The following NRG3 variants were observed in gnomAD, a reference collection of about 807,000 sequenced individuals.
The protein encoded by NRG3 is neuregulin 3.
Under a neutral mutation model 66.9 loss-of-function variants are expected in NRG3, and 31 were observed. The ratio of observed to expected loss-of-function variants is 0.46; its 90% CI spans 0.35 to 0.63. The LOEUF is 0.63. Among genes scored for constraint, NRG3 ranks in the 20% least tolerant of loss-of-function variants. The pLI, the probability that NRG3 is intolerant of heterozygous loss-of-function variation, is 0.00. For missense variants in NRG3, 910 were observed against 878.9 expected (o/e 1.04, Z -0.45); for synonymous variants, 393 against 359.4 (o/e 1.09, Z -1.06).
At chr10:82,236,937 G>T (rs555771605) in intron 1 of NRG3, among the ~76,000 whole-genome samples, 1 of 151,944 alleles carries the variant, frequency 6.6e-6, no homozygotes, top group East Asian at 1.9e-4. Flanking sequence ...GGATGGTCTC[G>T]ATCTCCTGAC....
intron 1 of NRG3, among the ~76,000 whole-genome samples, chr10:82,194,090 T>C (rs772576321): frequency 2.0e-5 from 3 of 152,086 alleles, no homozygotes; most frequent in Non-Finnish European, 4.4e-5. Context: ...ACCTTAACGA[T>C]GTGAAATTTT....
chr10:82,149,604 T>G (rs2070541328), intron 1 of NRG3, among the ~76,000 whole-genome samples: 1 of 152,172 alleles, frequency 6.6e-6, no homozygotes. Flanking sequence ...TGTTTTCTCA[T>G]AAAGTTCCTC....
At chr10:82,067,707 A>G (rs1336375697) in intron 1 of NRG3, among the ~76,000 whole-genome samples, 1 of 152,160 alleles carries the variant, frequency 6.6e-6, no homozygotes, top group Non-Finnish European at 1.5e-5. Context: ...TTCAGAGAGG[A>G]ACCACCAAAT....
At chr10:81,877,889 A>G (rs1419903198) in intron 1 of NRG3, 2 of 1,533,914 alleles carry the variant, frequency 1.3e-6, no homozygotes, top group Non-Finnish European at 1.7e-6. Context: ...AACATATTCA[A>G]TGGATTGAAA....
rs1853389810 is a variant in NRG3 at position 82,985,760 on chromosome 10, A to G, written c.*155A>G. On this transcript the variant is annotated 3_prime_UTR_variant, in exon 9 of 9. Coordinates refer to ENST00000372141, the MANE Select transcript of NRG3 (RefSeq NM_001010848.4). ...ATATCATAGTGTTTTTTAACAAAATATTTTTTTAAGGGAAAGAAATGTTTC... is the reference window on the plus strand; with the variant it reads ...ATATCATAGTGTTTTTTAACAAAATGTTTTTTTAAGGGAAAGAAATGTTTC... 1 of 820,526 alleles carries G rather than the reference A, an allele frequency of 1.2e-6. No individual in the cohort carries two copies. The highest frequency in any genetic ancestry group is 1.9e-6 in the Non-Finnish European group (1 of 537,014). 50.8% of individuals were successfully genotyped at this position (820,526 alleles called of 1,614,324 possible).
intron 1 of NRG3, among the ~76,000 whole-genome samples, chr10:82,297,240 C>T (rs2080120984): frequency 6.6e-6 from 1 of 150,910 alleles, no homozygotes; most frequent in Non-Finnish European, 1.5e-5. Flanking sequence ...CTACAATAAA[C>T]ATAAAAATGC....
At chr10:81,895,654 T>C (rs895376296) in intron 1 of NRG3, among the ~76,000 whole-genome samples, 10 of 152,176 alleles carry the variant, frequency 6.6e-5, no homozygotes. Context: ...TGCATGTCCA[T>C]GCGTGGGAGT....
chr10:82,239,978 G>A (rs1315377693), intron 1 of NRG3, among the ~76,000 whole-genome samples: 3 of 152,078 alleles, frequency 2.0e-5, no homozygotes, highest in South Asian at 2.1e-4. Context: ...ATAATAGAGT[G>A]TACTGGTATT....
At chr10:82,484,201 G>GA (rs1842501401) in intron 2 of NRG3, among the ~76,000 whole-genome samples, 1 of 152,156 alleles carries the variant, frequency 6.6e-6, no homozygotes, top group Non-Finnish European at 1.5e-5. Context: ...CCAAATCCCT[G>GA]TTTTTCATTC....
At chr10:82,404,158 C>T (rs993574278) in intron 2 of NRG3, among the ~76,000 whole-genome samples, 1 of 152,098 alleles carries the variant, frequency 6.6e-6, no homozygotes, top group Non-Finnish European at 1.5e-5. Flanking sequence ...GCATTCAAAC[C>T]TTAGTATAAA....
intron 2 of NRG3, among the ~76,000 whole-genome samples, chr10:82,601,790 A>G (rs749847830): frequency 2.7e-5 from 4 of 150,388 alleles, no homozygotes; most frequent in Non-Finnish European, 5.9e-5. Context: ...CGGAAGGATC[A>G]CTTGAAGTCA....
At chr10:82,768,403 T>C (rs2059596678) in intron 3 of NRG3, among the ~76,000 whole-genome samples, 1 of 152,188 alleles carries the variant, frequency 6.6e-6, no homozygotes, top group Non-Finnish European at 1.5e-5. Context: ...GATGGTTCTT[T>C]ATCAACCTCT....
chr10:82,886,645 C>T (rs145568483), intron 4 of NRG3, among the ~76,000 whole-genome samples: 2 of 152,248 alleles, frequency 1.3e-5, no homozygotes, highest in East Asian at 1.9e-4. Context: ...TGTGGCTGAA[C>T]GGACCTTTTG....
intron 1 of NRG3, among the ~76,000 whole-genome samples, chr10:81,921,010 T>G (rs10883909): frequency 0.32 from 47,896 of 151,956 alleles, 8,631 homozygotes; most frequent in East Asian, 0.59. Context: ...ATGTATTTTA[T>G]GGTCAAATGG....
At chr10:82,123,563 A>G (rs939273293) in intron 1 of NRG3, among the ~76,000 whole-genome samples, 2 of 152,096 alleles carry the variant, frequency 1.3e-5, no homozygotes, top group South Asian at 2.1e-4. Flanking sequence ...TCCTCCTCCA[A>G]CACCTCCTTC....
intron 2 of NRG3, among the ~76,000 whole-genome samples, chr10:82,433,976 T>C (rs528897869): frequency 6.6e-6 from 1 of 152,344 alleles, no homozygotes; most frequent in East Asian, 1.9e-4. Flanking sequence ...TTTTTTCTAA[T>C]TCTGTGAAGA....
At chr10:82,912,833 A>G (rs539288664) in intron 4 of NRG3, among the ~76,000 whole-genome samples, 2 of 152,116 alleles carry the variant, frequency 1.3e-5, no homozygotes, top group African/African-American at 2.4e-5. Context: ...TTTTCTAGAT[A>G]TATTTTGTTA....
At chr10:82,283,293 C>T (rs762641678) in intron 1 of NRG3, among the ~76,000 whole-genome samples, 1 of 152,090 alleles carries the variant, frequency 6.6e-6, no homozygotes, top group African/African-American at 2.4e-5. Context: ...GGAGTACATC[C>T]GTGGCTTCTC....
At chr10:82,113,718 A>G (rs2067529312) in intron 1 of NRG3, among the ~76,000 whole-genome samples, 1 of 152,168 alleles carries the variant, frequency 6.6e-6, no homozygotes, top group African/African-American at 2.4e-5. Context: ...CCTGGTTTTG[A>G]TAATTGCACT....
Sources: allele counts gnomAD v4.1 joint callset (sites outside exome capture counted in the v4.1 genomes callset), GRCh38; gene constraint gnomAD v4.1.1; transcripts MANE v1.5; gene names NCBI Gene and HGNC (gene_info 2026-07-23, HGNC 2026-07-21).